The following RPL22 variants were observed in gnomAD, a reference collection of about 807,000 sequenced individuals.
RPL22 encodes large ribosomal subunit protein eL22.
Under a neutral mutation model 16.2 loss-of-function variants are expected in RPL22, and 4 were observed. The observed-to-expected ratio is 0.25, with a 90% CI of 0.12 to 0.57. The LOEUF (loss-of-function observed/expected upper bound fraction) is 0.57, where lower values mean the gene tolerates loss of function less well. Among genes scored for constraint, RPL22 ranks in the 20% least tolerant of loss-of-function variants. RPL22 has a pLI of 0.92. For missense variants in RPL22, 83 were observed against 156.1 expected (o/e 0.53, Z 2.49); for synonymous variants, 43 against 54.8 (o/e 0.78, Z 0.95).
At chr1:6,197,148 G>A (rs1255615585) in intron 2 of RPL22, among the ~76,000 whole-genome samples, 1 of 152,186 alleles carries the variant, frequency 6.6e-6, no homozygotes, top group Non-Finnish European at 1.5e-5. Flanking sequence ...TTCTACTGCA[G>A]CCTCCCGAGT....
rs1305054092 is a variant in RPL22, at chr1:6,186,211, A to C, written c.*461T>G. 1 of 236,984 alleles carries C rather than the reference A, an allele frequency of 4.2e-6. No homozygotes were observed. The highest frequency in any genetic ancestry group is 8.3e-6 in the Non-Finnish European group (1 of 120,900). 14.7% of individuals were successfully genotyped at this position (236,984 alleles called of 1,614,324 possible). A position where few individuals can be genotyped will look rare whatever the true frequency, so the allele number is the denominator to read the frequency against. ...AATTTGTAATCAAAAAATGAAAGTA[A>C]GACGAATGGCCCAGAAACCCGCATT... On this transcript the variant is annotated 3_prime_UTR_variant, in exon 4 of 4. Transcript: ENST00000234875.
At chr1:6,199,405 G>A in intron 1 of RPL22, 157 bp downstream of exon 1, 2 of 1,378,342 alleles carry the variant, frequency 1.5e-6, no homozygotes, top group Non-Finnish European at 1.9e-6. Context: ...CAACGTGCTG[G>A]GATCGGCAGG....
chr1:6,196,833 A>C (rs1667723983), intron 2 of RPL22, among the ~76,000 whole-genome samples: 1 of 152,146 alleles, frequency 6.6e-6, no homozygotes, highest in African/African-American at 2.4e-5. Flanking sequence ...TACTTTAAAC[A>C]CTGAAGCTCA....
intron 1 of RPL22, 152 bp from the exon 2 acceptor site, chr1:6,197,908 A>G (rs1667741316): frequency 3.1e-6 from 2 of 654,028 alleles, no homozygotes; most frequent in South Asian, 1.8e-5. Flanking sequence ...AAGAGGCATC[A>G]CTGCCTGAGT....
intron 1 of RPL22, 95 bp from the exon 2 acceptor site, chr1:6,197,851 A>G: frequency 2.2e-6 from 2 of 900,678 alleles, no homozygotes; most frequent in East Asian, 5.2e-5. Context: ...ATAAAAGTCC[A>G]TACAAATACA....
At chr1:6,188,914 T>G (rs1667615013) in intron 3 of RPL22, among the ~76,000 whole-genome samples, 1 of 151,924 alleles carries the variant, frequency 6.6e-6, no homozygotes, top group Non-Finnish European at 1.5e-5. Context: ...GCCTCCCGAG[T>G]AGCTGGGATT....
rs1205547237 is a variant in RPL22, at chr1:6,186,498, G to GA, written c.*173dup. 2.5e-3 allele frequency: 1,182 copies of GA among 474,800 alleles called. No homozygotes were observed. The highest frequency in any genetic ancestry group is 2.8e-3 in the South Asian group (109 of 38,516). The allele number at this position is 474,800 out of a possible 1,614,324, so 29.4% of individuals were successfully genotyped here. Reference sequence around the variant, plus strand: ...CCACGAGAATTGAAATTTTTAAGCAGAAAAAAAAAGAAGTCAAGTTACAAA... The same window carrying GA: ...CCACGAGAATTGAAATTTTTAAGCAGAAAAAAAAAAGAAGTCAAGTTACAAA... On this transcript the variant is annotated 3_prime_UTR_variant, in exon 4 of 4. Transcript: ENST00000234875.
intron 2 of RPL22, among the ~76,000 whole-genome samples, chr1:6,197,244 C>A (rs1421346183): frequency 6.6e-6 from 1 of 152,176 alleles, no homozygotes; most frequent in African/African-American, 2.4e-5. Context: ...GTTGGCCAGA[C>A]TGGTCTCGAA....
At chr1:6,197,617 G>A (rs374898156) in intron 2 of RPL22, 35 bp downstream of exon 2, 30 of 1,416,188 alleles carry the variant, frequency 2.1e-5, no homozygotes, top group Non-Finnish European at 2.8e-5. Flanking sequence ...CAAAATGTTC[G>A]TGACCACCCG....
chr1:6,193,085 T>G (rs1245111995), intron 2 of RPL22, 31 bp from the exon 3 acceptor site: 8 of 1,612,218 alleles, frequency 5.0e-6, no homozygotes, highest in Non-Finnish European at 6.8e-6. Flanking sequence ...ACCAATGAAG[T>G]GACAAGTTCA....
chr1:6,191,032 T>G (rs1045081999), intron 3 of RPL22, among the ~76,000 whole-genome samples: 1 of 152,068 alleles, frequency 6.6e-6, no homozygotes, highest in African/African-American at 2.4e-5. Flanking sequence ...AAGACCAGTC[T>G]GGCCAACACG....
At chr1:6,189,159 G>A (rs894217311) in intron 3 of RPL22, among the ~76,000 whole-genome samples, 1 of 129,676 alleles carries the variant, frequency 7.7e-6, no homozygotes, top group Non-Finnish European at 1.5e-5. Flanking sequence ...AAGGAGCACT[G>A]TGACAGTGCT....
rs1667670837 is a variant in RPL22, at chr1:6,192,934, T to C, written c.238A>G (p.Lys80Glu). The C allele has an allele frequency of 1.9e-6, 3 of 1,612,804 alleles. No individual in the cohort carries two copies. Among genetic ancestry groups the C allele is most frequent in the African/African-American group, 2.7e-5 (2 of 74,874 alleles). ...ITVTSEVPFS[K>E]RYLKYLTKKY... ...ACACACACTTCCCTCCTGTACCTTT[T>C]GGAGAAAGGCACCTCGGATGTCACG... The change falls in exon 3 of 4, where the codon AAA becomes GAA. Residue 80 changes from lysine (K) to glutamate (E), a missense_variant. Lys to Glu is a moderately conservative substitution (Grantham distance 56). Coordinates refer to ENST00000234875, the MANE Select transcript of RPL22 (RefSeq NM_000983.4).
chr1:6,193,141 TATC>T (rs1230792218), intron 2 of RPL22, 87 bp from the exon 3 acceptor site: 3 of 1,505,744 alleles, frequency 2.0e-6, no homozygotes, highest in Admixed American at 1.8e-5. Context: ...ACTGAACTAA[TATC>T]ATTTTTTGTT....
Position 6,186,138 on chromosome 1 carries a change from T to C in RPL22, c.*534A>G. On this transcript the variant is annotated 3_prime_UTR_variant, in exon 4 of 4. Coordinates refer to ENST00000234875, the MANE Select transcript of RPL22 (RefSeq NM_000983.4). ...CAACACTGAAGGAGCACAGTTTCTC[T>C]CTCTAGGAAGAAGAGGATTAGCAGA... is the stretch of plus-strand genomic sequence containing the variant. 1 of 233,078 alleles carries C rather than the reference T, an allele frequency of 4.3e-6. No homozygotes were observed. Among genetic ancestry groups the C allele is most frequent in the Non-Finnish European group, 8.5e-6 (1 of 118,062 alleles). 14.4% of individuals were successfully genotyped at this position (233,078 alleles called of 1,614,324 possible).
rs1228303250 is a variant in RPL22, at chr1:6,185,052, A to G, written c.*1620T>C. On this transcript the variant is annotated 3_prime_UTR_variant, in exon 4 of 4. Transcript: ENST00000234875. The stretch of plus-strand genomic sequence containing the variant: ...AGAGTAGCCAGGTGTTAGCCACTTT[A>G]ATAGAAAATATGATCAAAACTCGAT... 2.9e-6 allele frequency: 1 copy of G among 344,030 alleles called. No individual in the cohort carries two copies. The highest frequency in any genetic ancestry group is 5.2e-6 in the Non-Finnish European group (1 of 192,472). The allele number at this position is 344,030 out of a possible 1,614,324, so 21.3% of individuals were successfully genotyped here. A position where few individuals can be genotyped will look rare whatever the true frequency, so the allele number is the denominator to read the frequency against.
At chr1:6,192,807 G>T in intron 3 of RPL22, 123 bp downstream of exon 3, 2 of 1,177,732 alleles carry the variant, frequency 1.7e-6, no homozygotes, top group Non-Finnish European at 2.5e-6. Context: ...CCTGCACTGA[G>T]CATAGTTCCA....
At chr1:6,191,359 C>CA (rs769446432) in intron 3 of RPL22, among the ~76,000 whole-genome samples, 2,276 of 31,794 alleles carry the variant, frequency 0.072, 120 homozygotes, top group African/African-American at 0.11. Flanking sequence ...GACTCCGTCT[C>CA]AAAAAAAAAA....
In RPL22 at chr1:6,186,179, C is replaced by G. The variant is rs1667579759; in HGVS notation, c.*493G>C. 1 of 236,188 alleles carries G rather than the reference C, an allele frequency of 4.2e-6. No individual in the cohort carries two copies. The highest frequency in any genetic ancestry group is 1.7e-4 in the South Asian group (1 of 5,788). The allele number at this position is 236,188 out of a possible 1,614,324, so 14.6% of individuals were successfully genotyped here. A position where few individuals can be genotyped will look rare whatever the true frequency, so the allele number is the denominator to read the frequency against. The stretch of plus-strand genomic sequence containing the variant: ...GATTAGCAGACATAATTGTGTGCGT[C>G]AAGAGAAATTTGTAATCAAAAAATG... On this transcript the variant is annotated 3_prime_UTR_variant, in exon 4 of 4. Transcript: ENST00000234875.
Sources: gnomAD v4.1 joint callset for allele counts (sites outside exome capture counted in the v4.1 genomes callset) on GRCh38, gnomAD v4.1.1 for gene constraint, MANE v1.5 for transcripts, NCBI Gene and HGNC (gene_info 2026-07-23, HGNC 2026-07-21) for gene names.